RXFP1: variants seen among roughly 807,000 people sequenced by gnomAD.
RXFP1 encodes relaxin family peptide receptor 1, also known as relaxin receptor 1.
RXFP1 carries 73 observed loss-of-function variants against 89.8 expected under a neutral mutation model. The observed-to-expected ratio is 0.81, with a 90% CI of 0.67 to 0.99. The LOEUF (loss-of-function observed/expected upper bound fraction) is 0.99. Ranked by LOEUF, RXFP1 falls within the 50% of genes least tolerant of loss-of-function variation. The probability of loss-of-function intolerance (pLI) is 0.00; values close to 1 mark genes in which losing one functional copy is unlikely to be tolerated. For missense variants in RXFP1, 793 were observed against 895.5 expected (o/e 0.89, Z 1.46); for synonymous variants, 277 against 305.5 (o/e 0.91, Z 0.97).
intron 1 of RXFP1, among the ~76,000 whole-genome samples, chr4:158,538,456 A>G (rs967946889): frequency 1.3e-5 from 2 of 152,224 alleles, no homozygotes; most frequent in African/African-American, 2.4e-5. Context: ...TTATTCCTAA[A>G]AGATGAGAGA....
intron 2 of RXFP1, among the ~76,000 whole-genome samples, chr4:158,582,621 T>C (rs929570033): frequency 2.0e-5 from 3 of 152,210 alleles, no homozygotes; most frequent in Non-Finnish European, 4.4e-5. Context: ...TTCATGCTCA[T>C]ATTTAGGTCC....
intron 1 of RXFP1, among the ~76,000 whole-genome samples, chr4:158,542,109 A>ATATATATATATATTTTTTTT: frequency 2.6e-4 from 9 of 35,230 alleles, no homozygotes; most frequent in Non-Finnish European, 4.4e-4. Flanking sequence ...ATATATATAT[A>ATATATATATATATTTTTTTT]TTTTTTTTTT....
Position 158,645,136 on chromosome 4 carries a change from G to T in RXFP1, c.1343G>T (p.Cys448Phe). Residue 448 changes from cysteine to phenylalanine, a missense_variant and splice_region_variant, in exon 15 of 18, where the codon TGC becomes TTC. Cys to Phe is a radical substitution (Grantham distance 205). Coordinates refer to ENST00000307765, the MANE Select transcript of RXFP1 (RefSeq NM_021634.4). ...KLYAMSIISL[C>F]CADCLMGIYL... ...TATGCCATGTCAATCATTTCTCTCT[G>T]CTGTGAGTATTTCCTGGTTAAAGGA... is the stretch of plus-strand genomic sequence containing the variant. The T allele has an allele frequency of 1.9e-6, 3 of 1,604,908 alleles. No individual in the cohort carries two copies. The highest frequency in any genetic ancestry group is 2.6e-6 in the Non-Finnish European group (3 of 1,171,744).
At position 158,645,223 on chromosome 4, in the gene RXFP1, G is replaced by T. The variant is rs1009810190; in HGVS notation, c.1345+85G>T. On this transcript the variant is annotated intron_variant, in intron 15 of 17. Transcript: ENST00000307765. ...TAGAAAATAAGTTGTGTGAGTGGTA[G>T]AATTATGGAATTTTACATTTTTCTC... is the stretch of plus-strand genomic sequence containing the variant. 11 of 974,840 alleles carry T rather than the reference G, an allele frequency of 1.1e-5. No homozygotes were observed. In the African/African-American group the frequency reaches 1.7e-4, roughly 15 times the overall value. The allele number at this position is 974,840 out of a possible 1,614,324, so 60.4% of individuals were successfully genotyped here.
At chr4:158,568,217 C>T (rs1221885148) in intron 1 of RXFP1, among the ~76,000 whole-genome samples, 5 of 152,202 alleles carry the variant, frequency 3.3e-5, no homozygotes, top group Admixed American at 2.0e-4. Context: ...GAACTGTTAA[C>T]ACTCAACGCG....
At chr4:158,617,102 T>C in intron 8 of RXFP1, 29 bp from the exon 9 acceptor site, 1 of 1,512,966 alleles carries the variant, frequency 6.6e-7, no homozygotes, top group Non-Finnish European at 9.1e-7. Flanking sequence ...ACCAGAAAAA[T>C]GTGACTTGTT....
intron 1 of RXFP1, chr4:158,544,098 T>C (rs546613290): frequency 3.1e-6 from 3 of 980,280 alleles, no homozygotes; most frequent in Non-Finnish European, 3.6e-6. Context: ...AAGAGAACCA[T>C]CTTTTTATTT....
Position 158,612,287 on chromosome 4 carries a change from T to C in RXFP1, c.609-4T>C. ...TGAATTAATTTTTTTCTTCTGGCTG[T>C]CAGGATAATTGAAGATAATCACCTC... is the stretch of plus-strand genomic sequence containing the variant. On this transcript the variant is annotated splice_region_variant and splice_polypyrimidine_tract_variant and intron_variant, in intron 7 of 17. Transcript: ENST00000307765. The C allele has an allele frequency of 6.2e-7, 1 of 1,610,692 alleles. No individual in the cohort carries two copies. The highest frequency in any genetic ancestry group is 8.5e-7 in the Non-Finnish European group (1 of 1,178,428).
At chr4:158,525,696 A>G (rs1192878229) in intron 1 of RXFP1, among the ~76,000 whole-genome samples, 1 of 152,242 alleles carries the variant, frequency 6.6e-6, no homozygotes, top group Non-Finnish European at 1.5e-5. Context: ...AGAGGTCTCC[A>G]TGGATGAGGA....
chr4:158,642,687 A>G (rs1410497363), intron 14 of RXFP1, among the ~76,000 whole-genome samples: 1 of 152,102 alleles, frequency 6.6e-6, no homozygotes, highest in Non-Finnish European at 1.5e-5. Flanking sequence ...TCATCTGTTC[A>G]TCAACACCTA....
chr4:158,616,281 T>A (rs1764547021), intron 8 of RXFP1, among the ~76,000 whole-genome samples: 1 of 151,640 alleles, frequency 6.6e-6, no homozygotes, highest in Non-Finnish European at 1.5e-5. Context: ...AAGAAAAAAA[T>A]AGCCGGGCAT....
At chr4:158,641,467 GCAAA>G (rs574498723) in intron 14 of RXFP1, among the ~76,000 whole-genome samples, 7 of 152,152 alleles carry the variant, frequency 4.6e-5, no homozygotes, top group East Asian at 1.9e-4. Context: ...AGCCAAAGCG[GCAAA>G]CAGAGTTACT....
chr4:158,528,312 G>A (rs1415222860), intron 1 of RXFP1, among the ~76,000 whole-genome samples: 1 of 151,024 alleles, frequency 6.6e-6, no homozygotes, highest in Non-Finnish European at 1.5e-5. Context: ...CCAGCCTGGG[G>A]GGGCAACATG....
At chr4:158,647,442 T>C (rs778774202) in intron 16 of RXFP1, among the ~76,000 whole-genome samples, 1 of 152,238 alleles carries the variant, frequency 6.6e-6, no homozygotes, top group African/African-American at 2.4e-5. Flanking sequence ...TTTTACAATA[T>C]GAACATAATG....
intron 17 of RXFP1, among the ~76,000 whole-genome samples, chr4:158,651,281 A>G (rs1225218600): frequency 1.3e-5 from 2 of 152,246 alleles, no homozygotes; most frequent in African/African-American, 4.8e-5. Context: ...AAAAGCTAAA[A>G]AAATGCACAC....
chr4:158,647,189 G>A lies in RXFP1; in HGVS notation c.1744G>A (p.Ala582Thr). 1 of 1,560,902 alleles carries A rather than the reference G, an allele frequency of 6.4e-7. No homozygotes were observed. Among genetic ancestry groups the A allele is most frequent in the Non-Finnish European group, 8.6e-7 (1 of 1,157,558 alleles). Reference sequence around the variant, plus strand: ...TATTGGAGCCCAGATTTATTCAGTGGCAATTTTTCTTGGTAAGAAACTAAG... The same window carrying A: ...TATTGGAGCCCAGATTTATTCAGTGACAATTTTTCTTGGTAAGAAACTAAG... ...ESIGAQIYSV[A>T]IFLGINLAAF... The change falls in exon 16 of 18, where the codon GCA becomes ACA. Residue 582 changes from alanine (A) to threonine (T), a missense_variant. Ala to Thr is a moderately conservative substitution (Grantham distance 58). Transcript: ENST00000307765.
intron 8 of RXFP1, 143 bp from the exon 9 acceptor site, chr4:158,616,988 C>CAA (rs11321888): frequency 2.5e-3 from 1,121 of 440,658 alleles, no homozygotes; most frequent in Middle Eastern, 3.4e-3. Flanking sequence ...GCCTCCATCT[C>CAA]AAAAAAAAAA....
At chr4:158,538,732 A>G (rs1745871223) in intron 1 of RXFP1, among the ~76,000 whole-genome samples, 1 of 149,546 alleles carries the variant, frequency 6.7e-6, no homozygotes, top group Non-Finnish European at 1.5e-5. Flanking sequence ...TGAACTCGGG[A>G]GGCGGAGGTT....
At position 158,628,646 on chromosome 4, in the gene RXFP1, G is replaced by A; in HGVS notation, c.836G>A (p.Arg279Lys). The A allele has an allele frequency of 1.3e-6, 2 of 1,546,120 alleles. No individual in the cohort carries two copies. The highest frequency in any genetic ancestry group is 1.8e-6 in the Non-Finnish European group (2 of 1,124,128). ...TTTCTTTTTACTTTCAGAGTGATGA[G>A]GAAAAACAAAATTAATCACTTAAAT... is the stretch of plus-strand genomic sequence containing the variant. ...SCSNLTVLVMRKNKINHLNEN... is the reference protein window; with the variant it reads ...SCSNLTVLVMKKNKINHLNEN... Residue 279 changes from arginine to lysine, a missense_variant, in exon 11 of 18, where the codon AGG (arginine) becomes AAG (lysine). Coordinates refer to ENST00000307765, the MANE Select transcript of RXFP1 (RefSeq NM_021634.4).
Sources: allele counts gnomAD v4.1 joint callset (sites outside exome capture counted in the v4.1 genomes callset), GRCh38; gene constraint gnomAD v4.1.1; transcripts MANE v1.5; gene names NCBI Gene and HGNC (gene_info 2026-07-23, HGNC 2026-07-21).